The following C16orf96 variants were observed in gnomAD, a reference collection of about 807,000 sequenced individuals.
The protein encoded by C16orf96 is chromosome 16 open reading frame 96.
In C16orf96, 108 loss-of-function variants were observed where a neutral mutation model predicts 103.6. That is an observed-to-expected ratio of 1.04 (90% confidence interval 0.89 to 1.22). C16orf96 has a LOEUF of 1.22. Ranked by LOEUF, C16orf96 falls within the 50% of genes most tolerant of loss-of-function variation. C16orf96 has a pLI of 0.00. For synonymous variants in C16orf96, 566 were observed against 593.5 expected (o/e 0.95, Z 0.67); for missense variants, 1,586 against 1,464.2 (o/e 1.08, Z -1.36).
chr16:4,561,492 C>A (rs562053251), intron 1 of C16orf96: 1 of 152,016 alleles, frequency 6.6e-6, no homozygotes, highest in Non-Finnish European at 1.5e-5. Flanking sequence ...TCCAAGGTGC[C>A]GGCACTCCAG....
At chr16:4,594,267 G>A (rs368866520) in intron 12 of C16orf96, 84 bp from the exon 13 acceptor site, 10 of 1,447,022 alleles carry the variant, frequency 6.9e-6, no homozygotes, top group African/African-American at 2.9e-5. Flanking sequence ...GTCTTCCCTC[G>A]ATGCTGGCCA....
chr16:4,582,466 G>T (rs184253003), intron 7 of C16orf96, among the ~76,000 whole-genome samples: 3 of 152,112 alleles, frequency 2.0e-5, no homozygotes, highest in Non-Finnish European at 2.9e-5. Flanking sequence ...CTGTAATCAG[G>T]CTGGGACCCA....
At chr16:4,581,441 A>C (rs2059587763) in intron 7 of C16orf96, among the ~76,000 whole-genome samples, 1 of 151,046 alleles carries the variant, frequency 6.6e-6, no homozygotes, top group Non-Finnish European at 1.5e-5. Flanking sequence ...AGACCATCCT[A>C]GCTAACGTGG....
chr16:4,565,017 A>C (rs1277938335), intron 1 of C16orf96, among the ~76,000 whole-genome samples: 1 of 152,000 alleles, frequency 6.6e-6, no homozygotes, highest in African/African-American at 2.4e-5. Context: ...GGGAAATGTT[A>C]GCATTCCTGT....
chr16:4,547,460 C>T, the C16orf96 span, among the ~76,000 whole-genome samples: 3 of 148,688 alleles, frequency 2.0e-5, no homozygotes, highest in East Asian at 1.9e-4. Context: ...ATTCAGTTTA[C>T]ATTAAATGTC....
Position 4,593,251 on chromosome 16 carries a change from C to G in C16orf96, c.2802C>G (p.His934Gln). Reference sequence around the variant, plus strand: ...AGCTGATCACCATCCGCAAAGCCCACCTGCTGTCCCGGCTGCGGCCAGCCA... The same window carrying G: ...AGCTGATCACCATCCGCAAAGCCCAGCTGCTGTCCCGGCTGCGGCCAGCCA... The part of the protein sequence containing the change: ...GPQLITIRKA[H>Q]LLSRLRPASA... The change falls in exon 12 of 16, where the codon CAC becomes CAG. Residue 934 changes from histidine to glutamine, a missense_variant. His to Gln is a conservative substitution (Grantham distance 24). Transcript: ENST00000444310. This position sits in a 1 kb window ranked among gnomAD's most constrained non-coding sequence, Gnocchi z 4.2. 1 of 1,551,188 alleles carries G rather than the reference C, an allele frequency of 6.4e-7. No homozygotes were observed. Among genetic ancestry groups the G allele is most frequent in the Non-Finnish European group, 8.7e-7 (1 of 1,146,892 alleles).
chr16:4,569,568 C>T (rs549458229), intron 1 of C16orf96, among the ~76,000 whole-genome samples: 1 of 151,700 alleles, frequency 6.6e-6, no homozygotes, highest in Non-Finnish European at 1.5e-5. Context: ...GCCTGGCCAA[C>T]ATGGTGAAAC....
chr16:4,575,688 G>A lies in C16orf96; in HGVS notation c.1208G>A (p.Gly403Asp), dbSNP rs1179344151. Reference sequence around the variant, plus strand: ...CTTCCCCAAGGCTGGCCCAGGGTGGGCTCTTGGCCTCTGTGGGACTTAGGT... The same window carrying A: ...CTTCCCCAAGGCTGGCCCAGGGTGGACTCTTGGCCTCTGTGGGACTTAGGT... ...WPLPQGWPRV[G>D]SWPLWDLGVL... Residue 403 changes from glycine (G) to aspartate (D), a missense_variant, in exon 5 of 16, where the codon GGC becomes GAC. Transcript: ENST00000444310. 1.3e-6 allele frequency: 2 copies of A among 1,534,154 alleles called. No homozygotes were observed. Among genetic ancestry groups the A allele is most frequent in the Middle Eastern group, 1.7e-4 (1 of 5,818 alleles).
Position 4,556,362 on chromosome 16 carries a change from G to C in C16orf96, c.-128G>C. ...GCCAGAACAGAGGCCATTCCTCCCT[G>C]ACTGCTGTGACTCACCACCACCCCA... On this transcript the variant is annotated 5_prime_UTR_variant, in exon 1 of 16. Coordinates refer to ENST00000444310, the MANE Select transcript of C16orf96 (RefSeq NM_001145011.2). 1.1e-6 allele frequency: 1 copy of C among 923,076 alleles called. No homozygotes were observed. The highest frequency in any genetic ancestry group is 2.9e-5 in the Admixed American group (1 of 34,194). The allele number at this position is 923,076 out of a possible 1,614,324, so 57.2% of individuals were successfully genotyped here.
chr16:4,571,180 C>CA (rs1164628930), intron 1 of C16orf96, among the ~76,000 whole-genome samples: 1 of 151,998 alleles, frequency 6.6e-6, no homozygotes, highest in Non-Finnish European at 1.5e-5. Flanking sequence ...AGTGAGACTC[C>CA]ATCTTAGAAA....
At chr16:4,575,135 C>T in intron 4 of C16orf96, 39 bp from the exon 5 acceptor site, 3 of 1,545,948 alleles carry the variant, frequency 1.9e-6, no homozygotes, top group Non-Finnish European at 2.6e-6. Context: ...GGAGGCGGGG[C>T]TGGAAGCCAG....
chr16:4,595,210 A>T (rs924913197), intron 14 of C16orf96, among the ~76,000 whole-genome samples: 4 of 151,876 alleles, frequency 2.6e-5, no homozygotes, highest in Admixed American at 2.6e-4. Flanking sequence ...GTGAGAGGAG[A>T]GTGGTCGTGT....
chr16:4,570,202 A>C lies in C16orf96; in HGVS notation c.421-1359A>C, dbSNP rs546977138. ...GAGCTCAAATGATACTCCTGCCTCA[A>C]GCTCCCAAAGTGCTGATAATTCGGA... On this transcript the variant is annotated intron_variant, in intron 1 of 15. Transcript: ENST00000444310. Among the ~76,000 whole-genome samples, 674 of 152,224 alleles carry C rather than the reference A, an allele frequency of 4.4e-3. 5 individuals are homozygous for C. Among genetic ancestry groups the C allele is most frequent in the African/African-American group, 0.014 (577 of 41,540 alleles).
At chr16:4,541,988 C>A in the C16orf96 span, among the ~76,000 whole-genome samples, 1 of 152,212 alleles carries the variant, frequency 6.6e-6, no homozygotes, top group Admixed American at 6.5e-5. Context: ...ATTCGATTGA[C>A]ATTTCACAGG....
chr16:4,592,422 G>A, intron 11 of C16orf96, 55 bp downstream of exon 11: 1 of 1,541,782 alleles, frequency 6.5e-7, no homozygotes, highest in Non-Finnish European at 8.8e-7. Context: ...GGCCCATGGA[G>A]GTCATCTCCG....
chr16:4,576,803 T>C (rs180929327), intron 5 of C16orf96, among the ~76,000 whole-genome samples, 168 bp downstream of exon 5: 3 of 152,350 alleles, frequency 2.0e-5, no homozygotes, highest in East Asian at 3.9e-4. Flanking sequence ...GTCTATTCTT[T>C]TCTGTTGAAT....
intron 1 of C16orf96, chr16:4,563,218 A>G: frequency 1.7e-6 from 1 of 577,308 alleles, no homozygotes; most frequent in South Asian, 1.6e-5. Context: ...CTAGCAGTGG[A>G]ACACCCTCTT....
chr16:4,578,533 G>A (rs2059541729), intron 5 of C16orf96, among the ~76,000 whole-genome samples: 1 of 152,098 alleles, frequency 6.6e-6, no homozygotes, highest in South Asian at 2.1e-4. Flanking sequence ...GCTGAGGAAG[G>A]CGGATCACGA....
chr16:4,579,210 G>T (rs796208786), intron 6 of C16orf96, among the ~76,000 whole-genome samples, 185 bp downstream of exon 6: 2,313 of 152,068 alleles, frequency 0.015, 63 homozygotes, highest in African/African-American at 0.049. Context: ...GCGGTGGGGG[G>T]GCCCAGCAGG....
Sources: gnomAD v4.1 joint callset for allele counts (sites outside exome capture counted in the v4.1 genomes callset) on GRCh38, gnomAD v4.1.1 for gene constraint, Gnocchi (gnomAD v3.1) non-coding constraint, MANE v1.5 for transcripts, NCBI Gene and HGNC (gene_info 2026-07-23, HGNC 2026-07-21) for gene names.